Variants in TMED10 observed in about 807,000 individuals in gnomAD.
TMED10 encodes transmembrane emp24 domain-containing protein 10.
TMED10 carries 7 observed loss-of-function variants against 23.1 expected under a neutral mutation model. The observed-to-expected ratio is 0.30, with a 90% CI of 0.17 to 0.57. The LOEUF is 0.57. Ranked by LOEUF, TMED10 falls within the 20% of genes least tolerant of loss-of-function variation. The pLI is 0.91. For synonymous variants in TMED10, 113 were observed against 106.9 expected, an observed-to-expected ratio of 1.06 and a Z score of -0.35; for missense variants, 162 against 274.8, an observed-to-expected ratio of 0.59 and a Z score of 2.90.
chr14:75,153,239 A>G (rs1176614525), intron 1 of TMED10, among the ~76,000 whole-genome samples: 1 of 152,034 alleles, frequency 6.6e-6, no homozygotes, highest in African/African-American at 2.4e-5. Flanking sequence ...TTGCCGTGTC[A>G]CTGCAGCCTG....
chr14:75,139,228 A>G (rs1310169767), intron 3 of TMED10: 1 of 430,928 alleles, frequency 2.3e-6, no homozygotes, highest in African/African-American at 2.1e-5. Flanking sequence ...TATAAATGGC[A>G]TACTACACAC....
At position 75,176,591 on chromosome 14, in the gene TMED10, C is replaced by G; in HGVS notation, c.-12G>C. 6.2e-7 allele frequency: 1 copy of G among 1,613,832 alleles called. No individual in the cohort carries two copies. The highest frequency in any genetic ancestry group is 8.5e-7 in the Non-Finnish European group (1 of 1,179,854). ...GACAAACCAGACATGGTGCTGGAGA[C>G]TCGTTCACCACCGAAGGCCTCAACC... On this transcript the variant is annotated 5_prime_UTR_variant, in exon 1 of 5. Transcript: ENST00000303575.
chr14:75,149,279 T>C (rs175429), intron 2 of TMED10, among the ~76,000 whole-genome samples: 149,335 of 152,330 alleles, frequency 0.98, 73,259 homozygotes, highest in East Asian at 1. Flanking sequence ...ATAGATTTAA[T>C]GTCATTATCA....
intron 1 of TMED10, among the ~76,000 whole-genome samples, chr14:75,157,693 C>T (rs1896036710): frequency 6.6e-6 from 1 of 151,816 alleles, no homozygotes; most frequent in African/African-American, 2.4e-5. Context: ...AATCCCAGCA[C>T]TTTTGGGAGG....
intron 3 of TMED10, among the ~76,000 whole-genome samples, chr14:75,146,940 T>C (rs759299433): frequency 6.6e-6 from 1 of 152,058 alleles, no homozygotes; most frequent in South Asian, 2.1e-4. Context: ...GATAGATAGA[T>C]AGATATACAA....
chr14:75,172,300 G>A (rs1161709409), intron 1 of TMED10, among the ~76,000 whole-genome samples: 1 of 151,532 alleles, frequency 6.6e-6, no homozygotes, highest in Non-Finnish European at 1.5e-5. Flanking sequence ...GGGTATCAAG[G>A]AATCATTGTT....
At chr14:75,157,696 T>A (rs1896036773) in intron 1 of TMED10, among the ~76,000 whole-genome samples, 1 of 151,780 alleles carries the variant, frequency 6.6e-6, no homozygotes, top group African/African-American at 2.4e-5. Flanking sequence ...CCCAGCACTT[T>A]TGGGAGGCCG....
intron 3 of TMED10, chr14:75,136,724 A>G (rs1895754894): frequency 1.3e-5 from 2 of 152,254 alleles, no homozygotes; most frequent in South Asian, 4.1e-4. Context: ...ATCAGAGCTC[A>G]GATGTGAGAA....
intron 1 of TMED10, among the ~76,000 whole-genome samples, chr14:75,155,202 G>A (rs969420569): frequency 2.6e-5 from 4 of 151,900 alleles, no homozygotes; most frequent in Non-Finnish European, 4.4e-5. Flanking sequence ...CAAGTGATCC[G>A]CCTGCCTTGG....
intron 1 of TMED10, among the ~76,000 whole-genome samples, chr14:75,154,401 CAAAAAAAAAAAAAA>C (rs1166201835): frequency 0.044 from 670 of 15,262 alleles, 22 homozygotes; most frequent in Middle Eastern, 0.17. Flanking sequence ...GACTCTGTCT[CAAAAAAAAAAAAAA>C]AAAAAAAAAA....
rs544531389 is a variant in TMED10, at chr14:75,155,201, C to T, written c.226-3058G>A. On this transcript the variant is annotated intron_variant, in intron 1 of 4. Transcript: ENST00000303575. ...CTCCAACTCCTGACCTCAAGTGATC[C>T]GCCTGCCTTGGCTTTTCCAAACTGC... 1.1e-4 allele frequency among the ~76,000 whole-genome samples: 16 copies of T among 152,242 alleles called. No homozygotes were observed. The South Asian group carries it at 2.1e-3, about 20-fold the overall frequency.
chr14:75,172,502 G>A (rs369704870), intron 1 of TMED10, among the ~76,000 whole-genome samples: 47 of 152,132 alleles, frequency 3.1e-4, no homozygotes, highest in African/African-American at 1.1e-3. Context: ...TAGAGACGGG[G>A]TTTCACCGTG....
intron 3 of TMED10, among the ~76,000 whole-genome samples, chr14:75,141,679 G>A (rs1566669656): frequency 1.3e-5 from 2 of 152,168 alleles, no homozygotes; most frequent in Admixed American, 6.5e-5. Flanking sequence ...GTCTATGTGA[G>A]TTTATTCTGT....
chr14:75,142,335 C>A (rs752149789), intron 3 of TMED10, among the ~76,000 whole-genome samples: 16 of 152,196 alleles, frequency 1.1e-4, no homozygotes, highest in Non-Finnish European at 1.8e-4. Flanking sequence ...GTTACTCAGC[C>A]CTTTGGGTGT....
chr14:75,162,394 G>A (rs1411980509), intron 1 of TMED10, among the ~76,000 whole-genome samples: 1 of 152,162 alleles, frequency 6.6e-6, no homozygotes, highest in Non-Finnish European at 1.5e-5. Flanking sequence ...TATAGTACTG[G>A]TTTATAATCC....
Position 75,132,274 on chromosome 14 carries a change from G to C in TMED10, c.*2611C>G, listed in dbSNP as rs1344906182. On this transcript the variant is annotated 3_prime_UTR_variant, in exon 5 of 5. Transcript: ENST00000303575. ...ATGGTGGTGTGCACCTATATTCCCAGCTACTCAGGAGGCTGAGGCAGGAGA... is the reference window on the plus strand; with the variant it reads ...ATGGTGGTGTGCACCTATATTCCCACCTACTCAGGAGGCTGAGGCAGGAGA... 1 of 151,072 alleles carries C rather than the reference G, an allele frequency of 6.6e-6. No homozygotes were observed. Among genetic ancestry groups the C allele is most frequent in the Non-Finnish European group, 1.5e-5 (1 of 67,690 alleles). 9.4% of individuals were successfully genotyped at this position (151,072 alleles called of 1,614,324 possible).
rs765837371 is a variant in TMED10 at position 75,131,838 on chromosome 14, G to C, written c.*3047C>G. On this transcript the variant is annotated 3_prime_UTR_variant, in exon 5 of 5. Transcript: ENST00000303575. ...ACAAAATGTCCCAGTTGATAGTTTC[G>C]GCATGAGTAAAGGGAAGGGACATGA... The C allele has an allele frequency of 2.6e-5, 4 of 152,006 alleles. No individual in the cohort carries two copies. The highest frequency in any genetic ancestry group is 5.9e-5 in the Non-Finnish European group (4 of 68,002). 9.4% of individuals were successfully genotyped at this position (152,006 alleles called of 1,614,324 possible).
rs140001583 is a variant in TMED10, at chr14:75,135,630, G to T, written c.538+130C>A. On this transcript the variant is annotated intron_variant, in intron 4 of 4. Coordinates refer to ENST00000303575, the MANE Select transcript of TMED10 (RefSeq NM_006827.6). ...TCATTTACCTTTAGCAGCAACAACA[G>T]CGAAGCAAGCAATTTCCCCTCCATA... 39 of 1,301,794 alleles carry T rather than the reference G, an allele frequency of 3.0e-5. 1 individual carries two copies. The African/African-American group carries it at 4.3e-4, about 14-fold the overall frequency. The allele number at this position is 1,301,794 out of a possible 1,614,324, so 80.6% of individuals were successfully genotyped here. A position where few individuals can be genotyped will look rare whatever the true frequency, so the allele number is the denominator to read the frequency against.
intron 2 of TMED10, among the ~76,000 whole-genome samples, chr14:75,148,991 A>G (rs1160981837): frequency 6.6e-6 from 1 of 152,228 alleles, no homozygotes; most frequent in Non-Finnish European, 1.5e-5. Flanking sequence ...ATCATGGCTC[A>G]CTGTAGCCTC....
Sources: gnomAD v4.1 joint callset for allele counts (sites outside exome capture counted in the v4.1 genomes callset) on GRCh38, gnomAD v4.1.1 for gene constraint, MANE v1.5 for transcripts, NCBI Gene and HGNC (gene_info 2026-07-23, HGNC 2026-07-21) for gene names.